The following ELOVL4 variants were observed in gnomAD, a reference collection of about 807,000 sequenced individuals.
ELOVL4 encodes ELOVL fatty acid elongase 4.
Under a neutral mutation model 42.1 loss-of-function variants are expected in ELOVL4, and 18 were observed. The ratio of observed to expected loss-of-function variants is 0.43; its 90% CI spans 0.30 to 0.63. The LOEUF (loss-of-function observed/expected upper bound fraction) is 0.63. ELOVL4 is among the 30% of genes least tolerant of loss of function. The pLI is 0.15. For synonymous variants in ELOVL4, 117 were observed against 127.0 expected, an observed-to-expected ratio of 0.92 and a Z score of 0.53; for missense variants, 299 against 376.2, an observed-to-expected ratio of 0.79 and a Z score of 1.70.
chr6:79,919,751 T>A (rs1774220455), intron 4 of ELOVL4, among the ~76,000 whole-genome samples: 1 of 152,210 alleles, frequency 6.6e-6, no homozygotes, highest in Non-Finnish European at 1.5e-5. Context: ...ATTTGAGGTT[T>A]TACCATATAA....
At chr6:79,928,091 G>A (rs549105006) in intron 1 of ELOVL4, among the ~76,000 whole-genome samples, 47 of 151,778 alleles carry the variant, frequency 3.1e-4, no homozygotes, top group Non-Finnish European at 6.2e-4. Flanking sequence ...CATCTACTTA[G>A]GTATTTCTTT....
Position 79,928,527 on chromosome 6 carries a change from G to A in ELOVL4, c.101-2146C>T, listed in dbSNP as rs754103531. On this transcript the variant is annotated intron_variant, in intron 1 of 5. Transcript: ENST00000369816. Reference sequence around the variant, plus strand: ...GATGTACAGTGTGGTATGCTGTATCGTTTTCATTCAACAGAGAAATTTAAA... The same window carrying A: ...GATGTACAGTGTGGTATGCTGTATCATTTTCATTCAACAGAGAAATTTAAA... 1.5e-4 allele frequency among the ~76,000 whole-genome samples: 23 copies of A among 151,952 alleles called. 1 individual carries two copies. The highest frequency in any genetic ancestry group is 2.6e-4 in the Admixed American group (4 of 15,238).
chr6:79,945,182 A>G (rs940531724), intron 1 of ELOVL4, among the ~76,000 whole-genome samples: 1 of 152,122 alleles, frequency 6.6e-6, no homozygotes, highest in Non-Finnish European at 1.5e-5. Flanking sequence ...TGCCTACATA[A>G]GGTAGCTCAT....
At chr6:79,924,459 A>G (rs1000090839) in intron 3 of ELOVL4, among the ~76,000 whole-genome samples, 2 of 152,216 alleles carry the variant, frequency 1.3e-5, no homozygotes, top group Non-Finnish European at 2.9e-5. Flanking sequence ...TTGAGATACA[A>G]AAACAAATTT....
intron 5 of ELOVL4, 91 bp from the exon 6 acceptor site, chr6:79,916,974 C>T: frequency 6.6e-7 from 1 of 1,519,682 alleles, no homozygotes; most frequent in Non-Finnish European, 9.0e-7. Flanking sequence ...CTATCACAGG[C>T]CCAAATTTTG....
In ELOVL4 at chr6:79,947,355, G is replaced by T; in HGVS notation, c.-76C>A. The T allele has an allele frequency of 8.4e-7, 1 of 1,192,340 alleles. No individual in the cohort carries two copies. Among genetic ancestry groups the T allele is most frequent in the Non-Finnish European group, 1.2e-6 (1 of 825,220 alleles). The allele number at this position is 1,192,340 out of a possible 1,614,324, so 73.9% of individuals were successfully genotyped here. ...AGGGCTGACCCCGGAGGCGGTGGCGGCCGACGGGGCGAGCGGCGGCCGGGA... is the reference window on the plus strand; with the variant it reads ...AGGGCTGACCCCGGAGGCGGTGGCGTCCGACGGGGCGAGCGGCGGCCGGGA... On this transcript the variant is annotated 5_prime_UTR_variant, in exon 1 of 6. Coordinates refer to ENST00000369816, the MANE Select transcript of ELOVL4 (RefSeq NM_022726.4).
chr6:79,933,957 T>G (rs239531), intron 1 of ELOVL4, among the ~76,000 whole-genome samples: 1 of 152,174 alleles, frequency 6.6e-6, no homozygotes, highest in Non-Finnish European at 1.5e-5. Context: ...AGATTTCTGG[T>G]CTATCTGGCA....
rs190078456 is a variant in ELOVL4, at chr6:79,929,411, T to C, written c.101-3030A>G. On this transcript the variant is annotated intron_variant, in intron 1 of 5. Coordinates refer to ENST00000369816, the MANE Select transcript of ELOVL4 (RefSeq NM_022726.4). ...ACACGCCAACACACCCTATTACTTT[T>C]TGTATTTTTTGTAGAGACAGGATTT... is the stretch of plus-strand genomic sequence containing the variant. Among the ~76,000 whole-genome samples the C allele has an allele frequency of 4.0e-3, 609 of 152,220 alleles. 3 individuals carry two copies. Among genetic ancestry groups the C allele is most frequent in the African/African-American group, 0.014 (589 of 41,548 alleles).
At chr6:79,928,184 C>T (rs1774376236) in intron 1 of ELOVL4, among the ~76,000 whole-genome samples, 1 of 152,070 alleles carries the variant, frequency 6.6e-6, no homozygotes, top group African/African-American at 2.4e-5. Context: ...TGTTCTAGGT[C>T]ACAGAGAAGG....
rs1443381210 is a variant in ELOVL4 at position 79,935,043 on chromosome 6, AAATT to A, written c.101-8666_101-8663del. ...ATAAAAATTCTCACTCTGATTTTTAAAATTATTTAGAGAGGCTATTTTTAAAAAC... is the reference window on the plus strand; with the variant it reads ...ATAAAAATTCTCACTCTGATTTTTAAATTTAGAGAGGCTATTTTTAAAAAC... On this transcript the variant is annotated intron_variant, in intron 1 of 5. Transcript: ENST00000369816. Among the ~76,000 whole-genome samples the A allele has an allele frequency of 3.9e-5, 6 of 152,282 alleles. No individual in the cohort carries two copies. The East Asian group carries it at 1.2e-3, about 29-fold the overall frequency.
intron 1 of ELOVL4, among the ~76,000 whole-genome samples, chr6:79,931,814 T>A (rs1234391049): frequency 2.6e-5 from 4 of 152,240 alleles, no homozygotes; most frequent in Non-Finnish European, 4.4e-5. Context: ...TATAGGAAAG[T>A]AAATTTCACC....
chr6:79,941,227 C>G (rs745741934), intron 1 of ELOVL4, among the ~76,000 whole-genome samples: 20 of 152,176 alleles, frequency 1.3e-4, no homozygotes, highest in Non-Finnish European at 2.5e-4. Flanking sequence ...ATTTAACCCT[C>G]TTAATTTACA....
intron 1 of ELOVL4, among the ~76,000 whole-genome samples, chr6:79,940,276 A>C (rs922171463): frequency 6.6e-6 from 1 of 152,188 alleles, no homozygotes; most frequent in Non-Finnish European, 1.5e-5. Flanking sequence ...ATTTTACTCT[A>C]ATACAATATA....
chr6:79,928,937 T>C (rs1774396897), intron 1 of ELOVL4, among the ~76,000 whole-genome samples: 2 of 151,858 alleles, frequency 1.3e-5, no homozygotes, highest in Non-Finnish European at 2.9e-5. Context: ...GGTGCACTGT[T>C]GTTCTCTCAT....
intron 1 of ELOVL4, among the ~76,000 whole-genome samples, chr6:79,944,987 CAAAAAAAAAAAAAA>C (rs200726708): frequency 7.5e-5 from 7 of 93,000 alleles, no homozygotes; most frequent in African/African-American, 1.4e-4. Context: ...TGAATGAGTC[CAAAAAAAAAAAAAA>C]AAAAAAAAAA....
chr6:79,926,813 G>C (rs1437052029), intron 1 of ELOVL4, among the ~76,000 whole-genome samples: 1 of 152,198 alleles, frequency 6.6e-6, no homozygotes, highest in African/African-American at 2.4e-5. Flanking sequence ...AAGCAGGCAA[G>C]AATGTAACTG....
intron 1 of ELOVL4, among the ~76,000 whole-genome samples, chr6:79,938,921 C>T (rs1484988550): frequency 6.6e-6 from 1 of 152,212 alleles, no homozygotes; most frequent in East Asian, 1.9e-4. Context: ...AGGGACAAAA[C>T]AACCCATGCA....
chr6:79,943,549 G>A (rs191732279), intron 1 of ELOVL4, among the ~76,000 whole-genome samples: 28 of 152,306 alleles, frequency 1.8e-4, no homozygotes, highest in African/African-American at 6.7e-4. Flanking sequence ...GAGATGAGAA[G>A]AGCAGGGAAG....
At position 79,916,754 on chromosome 6, in the gene ELOVL4, T is replaced by C. The variant is rs377488925; in HGVS notation, c.799A>G (p.Ile267Val). The change falls in exon 6 of 6, where the codon ATT becomes GTT. Residue 267 changes from isoleucine (I) to valine (V), a missense_variant. Transcript: ENST00000369816. ...SFIFLFLNFY[I>V]RTYKEPKKPK... ...TTCTTAGGCTCTTTGTATGTCCGAATGTAGAAGTTAAGAAAGAGAAATATG... is the reference window on the plus strand; with the variant it reads ...TTCTTAGGCTCTTTGTATGTCCGAACGTAGAAGTTAAGAAAGAGAAATATG... The C allele has an allele frequency of 2.5e-6, 4 of 1,614,182 alleles. No homozygotes were observed. The highest frequency in any genetic ancestry group is 2.2e-5 in the South Asian group (2 of 91,090).
Sources: allele counts gnomAD v4.1 joint callset (sites outside exome capture counted in the v4.1 genomes callset), GRCh38; gene constraint gnomAD v4.1.1; transcripts MANE v1.5; gene names NCBI Gene and HGNC (gene_info 2026-07-23, HGNC 2026-07-21).